The following KCNK2 variants were observed in gnomAD, a reference collection of about 807,000 sequenced individuals.
The protein encoded by KCNK2 is potassium two pore domain channel subfamily K member 2, also known as potassium channel subfamily K member 2.
A neutral mutation model predicts 40.5 loss-of-function variants in KCNK2; 21 were observed. The observed-to-expected ratio is 0.52, with a 90% CI of 0.37 to 0.75. The LOEUF (loss-of-function observed/expected upper bound fraction) is 0.75. Among genes scored for constraint, KCNK2 ranks in the 30% least tolerant of loss-of-function variants. The probability of loss-of-function intolerance (pLI) is 0.00; values close to 1 mark genes in which losing one functional copy is unlikely to be tolerated. For synonymous variants in KCNK2, 191 were observed against 202.2 expected, an observed-to-expected ratio of 0.94 and a Z score of 0.47; for missense variants, 399 against 531.6, an observed-to-expected ratio of 0.75 and a Z score of 2.45.
chr1:215,173,952 T>C (rs1251866561), intron 5 of KCNK2, among the ~76,000 whole-genome samples: 2 of 152,238 alleles, frequency 1.3e-5, no homozygotes, highest in African/African-American at 2.4e-5. Context: ...TTTCTTTTGC[T>C]GTGCAGAAGC....
intron 3 of KCNK2, among the ~76,000 whole-genome samples, chr1:215,162,870 G>C (rs6673739): frequency 0.64 from 96,501 of 150,074 alleles, 32,358 homozygotes; most frequent in Non-Finnish European, 0.75. Context: ...ATACTGCCAG[G>C]TTTGTTTTTT....
Position 215,201,979 on chromosome 1 carries a change from G to A in KCNK2, c.963+6887G>A, listed in dbSNP as rs372615760. ...ATTTCTATCATATTGTAGGGCAGGGGGGCAATACTGTTTGGTACAATTTTT... is the reference window on the plus strand; with the variant it reads ...ATTTCTATCATATTGTAGGGCAGGGAGGCAATACTGTTTGGTACAATTTTT... On this transcript the variant is annotated intron_variant, in intron 6 of 6. Transcript: ENST00000444842. Among the ~76,000 whole-genome samples the A allele has an allele frequency of 4.3e-4, 65 of 152,048 alleles. No homozygotes were observed. The South Asian group carries it at 0.014, about 32-fold the overall frequency.
intron 1 of KCNK2, among the ~76,000 whole-genome samples, chr1:215,046,187 A>G (rs969926274): frequency 6.6e-6 from 1 of 152,160 alleles, no homozygotes; most frequent in African/African-American, 2.4e-5. Flanking sequence ...GAATAGAAAT[A>G]TCTGTTACCA....
chr1:215,085,729 A>T (rs947345386), intron 1 of KCNK2, among the ~76,000 whole-genome samples: 1 of 152,224 alleles, frequency 6.6e-6, no homozygotes, highest in African/African-American at 2.4e-5. Context: ...AGAATGTTTC[A>T]TCATGAGCCC....
chr1:215,179,053 G>T (rs577707448), intron 5 of KCNK2, among the ~76,000 whole-genome samples: 3 of 151,762 alleles, frequency 2.0e-5, no homozygotes, highest in African/African-American at 7.2e-5. Flanking sequence ...TCTGTTCAGG[G>T]TTTTAATTTC....
intron 5 of KCNK2, among the ~76,000 whole-genome samples, chr1:215,172,824 T>C (rs1032567550): frequency 7.2e-5 from 11 of 151,960 alleles, no homozygotes; most frequent in Non-Finnish European, 1.2e-4. Flanking sequence ...GCCCAGCTAA[T>C]TGATGTATTT....
chr1:215,124,075 A>G (rs10864154), intron 2 of KCNK2, among the ~76,000 whole-genome samples: 115,336 of 152,116 alleles, frequency 0.76, 44,112 homozygotes, highest in African/African-American at 0.78. Flanking sequence ...CTACATCTAC[A>G]TGGACTGCCT....
chr1:215,022,633 G>A (rs1034561547), intron 1 of KCNK2, among the ~76,000 whole-genome samples: 8 of 151,982 alleles, frequency 5.3e-5, no homozygotes, highest in African/African-American at 1.9e-4. Context: ...TCCAGGTCAC[G>A]GGCTCCATTC....
intron 1 of KCNK2, among the ~76,000 whole-genome samples, chr1:215,034,963 AT>A (rs1019690739): frequency 6.6e-6 from 1 of 151,846 alleles, no homozygotes; most frequent in Non-Finnish European, 1.5e-5. Context: ...TATTTGTAAC[AT>A]TTTTTTCTCT....
At chr1:215,044,559 T>A (rs1657677024) in intron 1 of KCNK2, among the ~76,000 whole-genome samples, 4 of 152,178 alleles carry the variant, frequency 2.6e-5, no homozygotes, top group Non-Finnish European at 5.9e-5. Context: ...AGATATTTCC[T>A]ATTAGGGTGC....
chr1:215,132,207 G>A (rs1322548175), intron 3 of KCNK2, among the ~76,000 whole-genome samples: 3 of 152,174 alleles, frequency 2.0e-5, no homozygotes, highest in Non-Finnish European at 4.4e-5. Context: ...TTGAAAGGAT[G>A]AGGAAAAATT....
rs974734051 is a variant in KCNK2, at chr1:215,218,780, T to A, written c.964-16048T>A. On this transcript the variant is annotated intron_variant, in intron 6 of 6. Transcript: ENST00000444842. ...TGTAAATTATTAGTAGTAAAAAAAATTTTAGCATGTGCCTGCAATGTATGC... is the reference window on the plus strand; with the variant it reads ...TGTAAATTATTAGTAGTAAAAAAAAATTTAGCATGTGCCTGCAATGTATGC... Among the ~76,000 whole-genome samples, 52 of 152,198 alleles carry A rather than the reference T, an allele frequency of 3.4e-4. 1 individual carries two copies. The highest frequency in any genetic ancestry group is 3.0e-3 in the Admixed American group (46 of 15,276).
chr1:215,123,188 A>G (rs1254727648), intron 2 of KCNK2, among the ~76,000 whole-genome samples: 1 of 151,158 alleles, frequency 6.6e-6, no homozygotes, highest in Admixed American at 6.6e-5. Context: ...CAACATATAT[A>G]TCTACATATT....
At chr1:215,046,314 A>G (rs1029196838) in intron 1 of KCNK2, among the ~76,000 whole-genome samples, 3 of 152,174 alleles carry the variant, frequency 2.0e-5, no homozygotes, top group Non-Finnish European at 2.9e-5. Context: ...GAATATATAC[A>G]TATACACAAA....
At chr1:215,010,424 G>A (rs1355974017) in intron 1 of KCNK2, among the ~76,000 whole-genome samples, 1 of 152,140 alleles carries the variant, frequency 6.6e-6, no homozygotes, top group East Asian at 1.9e-4. Flanking sequence ...AGAGGGCTTC[G>A]ATGCATTTTG....
intron 3 of KCNK2, among the ~76,000 whole-genome samples, chr1:215,133,072 A>G (rs1307424746): frequency 1.3e-5 from 2 of 152,188 alleles, no homozygotes; most frequent in Non-Finnish European, 2.9e-5. Context: ...AGGAGAAAAC[A>G]TAACAATATA....
At chr1:215,122,894 G>A (rs558288735) in intron 2 of KCNK2, among the ~76,000 whole-genome samples, 20 of 151,746 alleles carry the variant, frequency 1.3e-4, no homozygotes, top group African/African-American at 4.3e-4. Flanking sequence ...ACAGGCGCCC[G>A]CTACCACGCT....
chr1:215,153,026 C>T (rs1480266356), intron 3 of KCNK2, among the ~76,000 whole-genome samples: 1 of 152,162 alleles, frequency 6.6e-6, no homozygotes, highest in Non-Finnish European at 1.5e-5. Context: ...TAGAACTCTT[C>T]AATCCAGAGT....
At chr1:215,058,774 A>G (rs563377675) in intron 1 of KCNK2, among the ~76,000 whole-genome samples, 3 of 151,966 alleles carry the variant, frequency 2.0e-5, no homozygotes, top group South Asian at 2.1e-4. Context: ...GTTTTTCTCT[A>G]TGTTTCTTGA....
Sources: allele counts gnomAD v4.1 joint callset (sites outside exome capture counted in the v4.1 genomes callset), GRCh38; gene constraint gnomAD v4.1.1; transcripts MANE v1.5; gene names NCBI Gene and HGNC (gene_info 2026-07-23, HGNC 2026-07-21).